The following SUPT5H variants were observed in gnomAD, a reference collection of about 807,000 sequenced individuals.
SUPT5H encodes the protein transcription elongation factor SPT5.
SUPT5H carries 24 observed loss-of-function variants against 142.5 expected under a neutral mutation model. The ratio of observed to expected loss-of-function variants is 0.17; its 90% CI spans 0.12 to 0.24. The LOEUF is 0.24. SUPT5H is among the 10% of genes least tolerant of loss of function. The pLI, the probability that SUPT5H is intolerant of heterozygous loss-of-function variation, is 1.00. For missense variants in SUPT5H, 893 were observed against 1,471.8 expected (o/e 0.61, Z 6.43); for synonymous variants, 546 against 553.0 (o/e 0.99, Z 0.18).
At position 39,473,044 on chromosome 19, in the gene SUPT5H, T is replaced by C; in HGVS notation, c.2188T>C (p.Ser730Pro). ...YIGVVKDATE[S>P]TARVELHSTC... is the part of the protein sequence containing the mutation. ...CGGTGTGGTGAAAGATGCCACAGAG[T>C]CCACGGCCCGTGTGGAGCTGCACTC... The change falls in exon 23 of 30, where the codon TCC (serine) becomes CCC (proline). Residue 730 changes from serine (S) to proline (P), a missense_variant. Coordinates refer to ENST00000432763, the MANE Select transcript of SUPT5H (RefSeq NM_001111020.3). The surrounding 1 kb of genome is among the most constrained non-coding windows in gnomAD (Gnocchi z 5.8). 1 of 1,613,420 alleles carries C rather than the reference T, an allele frequency of 6.2e-7. No individual in the cohort carries two copies. The highest frequency in any genetic ancestry group is 8.5e-7 in the Non-Finnish European group (1 of 1,179,792).
intron 2 of SUPT5H, among the ~76,000 whole-genome samples, 154 bp from the exon 3 acceptor site, chr19:39,453,202 G>A (rs979423617): frequency 3.3e-5 from 5 of 152,100 alleles, no homozygotes; most frequent in African/African-American, 1.2e-4. Context: ...ATGGTAACCA[G>A]AGAGGCCAGG....
At chr19:39,471,974 T>C in intron 20 of SUPT5H, 1 of 579,652 alleles carries the variant, frequency 1.7e-6, no homozygotes, top group Non-Finnish European at 2.9e-6. Flanking sequence ...GGAGAACCAG[T>C]GGTGAACAAG....
intron 9 of SUPT5H, 144 bp downstream of exon 9, chr19:39,459,733 G>T: frequency 7.7e-7 from 1 of 1,297,336 alleles, no homozygotes; most frequent in South Asian, 1.3e-5. Flanking sequence ...CCACGTTACT[G>T]ACTGGCTATC....
intron 9 of SUPT5H, 124 bp downstream of exon 9, chr19:39,459,713 A>G (rs1050834563): frequency 3.7e-6 from 5 of 1,357,774 alleles, no homozygotes; most frequent in South Asian, 1.2e-5. Context: ...TTCTGTCTCC[A>G]TCCCTCACTC....
rs929656279 is a variant in SUPT5H, at chr19:39,466,921, C to T, written c.1037+176C>T. On this transcript the variant is annotated intron_variant, in intron 13 of 29. Transcript: ENST00000432763. This position sits in a 1 kb window ranked among gnomAD's most constrained non-coding sequence, Gnocchi z 4.3. ...CATCCCTGTGCCTCAGTTTCTTCTG[C>T]TATAAAGATTGATGAGGCTGGGCGC... 6.6e-5 allele frequency: 42 copies of T among 633,226 alleles called. 1 individual carries two copies. In the Admixed American group the frequency reaches 6.9e-4, roughly 10 times the overall value. 39.2% of individuals were successfully genotyped at this position (633,226 alleles called of 1,614,324 possible). A position where few individuals can be genotyped will look rare whatever the true frequency, so the allele number is the denominator to read the frequency against.
chr19:39,456,136 C>T (rs1467977616), intron 3 of SUPT5H, among the ~76,000 whole-genome samples: 3 of 151,196 alleles, frequency 2.0e-5, no homozygotes, highest in African/African-American at 4.9e-5. Flanking sequence ...AGGCTGGTCT[C>T]GAACTCCTGA....
chr19:39,457,818 C>A, intron 4 of SUPT5H, 78 bp downstream of exon 4: 2 of 1,600,120 alleles, frequency 1.2e-6, no homozygotes, highest in Non-Finnish European at 1.7e-6. Flanking sequence ...TTCCCCCGAC[C>A]CCCGCATCCC....
Position 39,472,821 on chromosome 19 carries a change from G to A in SUPT5H, c.2047G>A (p.Gly683Ser), listed in dbSNP as rs779179407. The change falls in exon 22 of 30, where the codon GGC becomes AGC. Residue 683 changes from glycine to serine, a missense_variant. This residue lies in a region of SUPT5H where 35 missense variants were observed against 29.7 expected (regional missense o/e 1.18). Coordinates refer to ENST00000432763, the MANE Select transcript of SUPT5H (RefSeq NM_001111020.3). The surrounding 1 kb of genome is among the most constrained non-coding windows in gnomAD (Gnocchi z 4.2). Reference sequence around the variant, plus strand: ...TCCCCAATCCCCAGGTCAGCGTGGCGGCTTTGGTAGCCCAGGTGGCGGCAG... The same window carrying A: ...TCCCCAATCCCCAGGTCAGCGTGGCAGCTTTGGTAGCCCAGGTGGCGGCAG... Reference protein sequence around the residue: ...MHPSAGGQRGGFGSPGGGSGG... With the variant: ...MHPSAGGQRGSFGSPGGGSGG... The A allele has an allele frequency of 3.7e-6, 6 of 1,612,934 alleles. No individual in the cohort carries two copies. In the Admixed American group the frequency reaches 5.0e-5, roughly 13 times the overall value.
intron 2 of SUPT5H, among the ~76,000 whole-genome samples, chr19:39,449,647 G>T (rs67831225): frequency 0.16 from 23,730 of 145,332 alleles, 1,948 homozygotes; most frequent in Non-Finnish European, 0.18. Context: ...GGTTAGTTTG[G>T]TTTTTTTTTT....
intron 3 of SUPT5H, among the ~76,000 whole-genome samples, chr19:39,456,890 C>A (rs538223532): frequency 6.6e-6 from 1 of 152,318 alleles, no homozygotes; most frequent in South Asian, 2.1e-4. Flanking sequence ...ACACAGATAT[C>A]TCTAGGCAAG....
At position 39,474,448 on chromosome 19, in the gene SUPT5H, C is replaced by G. The variant is rs1451319447; in HGVS notation, c.2820+46C>G. On this transcript the variant is annotated intron_variant, in intron 27 of 29. Transcript: ENST00000432763. The surrounding 1 kb of genome is among the most constrained non-coding windows in gnomAD (Gnocchi z 6.5). ...CCTGAAGGGTGGTGGGCTAGGGTGA[C>G]TTTGGGCATATAGGGTCGGCCAGGC... The G allele has an allele frequency of 6.2e-7, 1 of 1,609,962 alleles. No individual in the cohort carries two copies.
At position 39,453,492 on chromosome 19, in the gene SUPT5H, G is replaced by T; in HGVS notation, c.212G>T (p.Arg71Leu). The change falls in exon 3 of 30, where the codon CGC (arginine) becomes CTC (leucine). Residue 71 changes from arginine (R) to leucine (L), a missense_variant. Arg to Leu is a moderately radical substitution (Grantham distance 102). Around this residue, in one of 6 missense-constraint regions of SUPT5H, gnomAD observed 19 missense variants for 27.2 expected, o/e 0.70. Coordinates refer to ENST00000432763, the MANE Select transcript of SUPT5H (RefSeq NM_001111020.3). ...GATGACCGACCCCCCAAGAAACCCC[G>T]CCATGGAGGCTTCATTCTGGACGAG... ...EDDDRPPKKP[R>L]HGGFILDEAD... The T allele has an allele frequency of 6.5e-7, 1 of 1,548,146 alleles. No individual in the cohort carries two copies. The highest frequency in any genetic ancestry group is 1.2e-5 in the South Asian group (1 of 83,634).
intron 2 of SUPT5H, among the ~76,000 whole-genome samples, chr19:39,446,687 G>A (rs774780260): frequency 5.3e-5 from 8 of 152,126 alleles, no homozygotes; most frequent in Non-Finnish European, 8.8e-5. Flanking sequence ...TAACACAACG[G>A]GACCCTGTCT....
In SUPT5H at chr19:39,472,531, A is replaced by T; in HGVS notation, c.2035+38A>T. On this transcript the variant is annotated intron_variant, in intron 21 of 29. Coordinates refer to ENST00000432763, the MANE Select transcript of SUPT5H (RefSeq NM_001111020.3). The surrounding 1 kb of genome is among the most constrained non-coding windows in gnomAD (Gnocchi z 4.2). Reference sequence around the variant, plus strand: ...CAGGGTCAGGGGATGTGGTGGGTAGAAGGGGCTGGAAGGAACTTGGTTGTT... The same window carrying T: ...CAGGGTCAGGGGATGTGGTGGGTAGTAGGGGCTGGAAGGAACTTGGTTGTT... The T allele has an allele frequency of 6.2e-7, 1 of 1,605,634 alleles. No individual in the cohort carries two copies. Among genetic ancestry groups the T allele is most frequent in the East Asian group, 2.2e-5 (1 of 44,794 alleles).
At chr19:39,465,180 G>C (rs762747607) in intron 11 of SUPT5H, 131 bp downstream of exon 11, 20 of 1,360,338 alleles carry the variant, frequency 1.5e-5, no homozygotes, top group African/African-American at 2.9e-5. Flanking sequence ...AGCAGAGCCT[G>C]GGTTTTGTGA....
In SUPT5H at chr19:39,474,912, T is replaced by A. The variant is rs1004492894; in HGVS notation, c.3024+194T>A. The A allele has an allele frequency of 2.3e-5, 15 of 639,538 alleles. No homozygotes were observed. Among genetic ancestry groups the A allele is most frequent in the Non-Finnish European group, 3.5e-5 (13 of 372,284 alleles). The allele number at this position is 639,538 out of a possible 1,614,324, so 39.6% of individuals were successfully genotyped here. On this transcript the variant is annotated intron_variant, in intron 28 of 29. Transcript: ENST00000432763. The surrounding 1 kb of genome is among the most constrained non-coding windows in gnomAD (Gnocchi z 6.5). ...GATTTAGCGGGGAATCAGGGAGGGC[T>A]GCCTGGGGAAGGAGAAATCTGAGCC...
At chr19:39,453,309 T>C (rs1293354075) in intron 2 of SUPT5H, 47 bp from the exon 3 acceptor site, 3 of 1,542,252 alleles carry the variant, frequency 1.9e-6, no homozygotes, top group South Asian at 1.2e-5. Flanking sequence ...TTTTGGATTT[T>C]TGGGGTAGCA....
At chr19:39,449,235 C>T (rs2078990280) in intron 2 of SUPT5H, among the ~76,000 whole-genome samples, 2 of 151,920 alleles carry the variant, frequency 1.3e-5, no homozygotes, top group African/African-American at 4.8e-5. Flanking sequence ...GAGAGCACAT[C>T]CAAGCCCTGA....
chr19:39,453,564 T>A, intron 3 of SUPT5H, 43 bp downstream of exon 3: 1 of 1,453,042 alleles, frequency 6.9e-7, no homozygotes, highest in Non-Finnish European at 9.1e-7. Context: ...AGGCTGAGCT[T>A]CTACTTTTAG....
Sources: gnomAD v4.1 joint callset for allele counts (sites outside exome capture counted in the v4.1 genomes callset) on GRCh38, gnomAD v4.1.1 for gene constraint, gnomAD v4.1.1 regional missense constraint, Gnocchi (gnomAD v3.1) non-coding constraint, MANE v1.5 for transcripts, NCBI Gene and HGNC (gene_info 2026-07-23, HGNC 2026-07-21) for gene names.